Variants in SPATA6 observed in about 807,000 individuals in gnomAD.
SPATA6 encodes spermatogenesis-associated protein 6.
A neutral mutation model predicts 65.3 loss-of-function variants in SPATA6; 56 were observed. The ratio of observed to expected loss-of-function variants is 0.86; its 90% confidence interval spans 0.69 to 1.07. The LOEUF is 1.07. Ranked by LOEUF, SPATA6 falls within the 50% of genes least tolerant of loss-of-function variation. The probability of loss-of-function intolerance (pLI) is 0.00; values close to 1 mark genes in which losing one functional copy is unlikely to be tolerated. For missense variants in SPATA6, 590 were observed against 594.8 expected (o/e 0.99, Z 0.08); for synonymous variants, 199 against 213.2 (o/e 0.93, Z 0.58).
intron 3 of SPATA6, among the ~76,000 whole-genome samples, chr1:48,423,787 T>C (rs1378582912): frequency 6.6e-6 from 1 of 151,994 alleles, no homozygotes; most frequent in Non-Finnish European, 1.5e-5. Context: ...CCTCAGGTGA[T>C]CCGCCTGCCT....
intron 11 of SPATA6, among the ~76,000 whole-genome samples, chr1:48,315,433 C>G: frequency 6.6e-6 from 1 of 151,506 alleles, no homozygotes; most frequent in East Asian, 2.0e-4. Flanking sequence ...GAACCAAAGA[C>G]AAAAACGACA....
chr1:48,284,641 G>A, the SPATA6 span, among the ~76,000 whole-genome samples: 1 of 152,154 alleles, frequency 6.6e-6, no homozygotes, highest in Non-Finnish European at 1.5e-5. Flanking sequence ...TGTTGATGGT[G>A]ATGCTATTCT....
At chr1:48,445,960 C>T (rs904291021) in intron 3 of SPATA6, among the ~76,000 whole-genome samples, 2 of 151,874 alleles carry the variant, frequency 1.3e-5, no homozygotes, top group Non-Finnish European at 1.5e-5. Context: ...CAATCAAGAC[C>T]GAGCCTCAAA....
chr1:48,371,663 T>A (rs1341735796), intron 9 of SPATA6, among the ~76,000 whole-genome samples: 1 of 152,242 alleles, frequency 6.6e-6, no homozygotes, highest in Admixed American at 6.5e-5. Context: ...CTGTACTATC[T>A]AGAACCTGAA....
intron 8 of SPATA6, among the ~76,000 whole-genome samples, chr1:48,387,621 C>T (rs1359295255): frequency 6.6e-6 from 1 of 152,146 alleles, no homozygotes; most frequent in Non-Finnish European, 1.5e-5. Context: ...TTGTTCACAT[C>T]ATCAGGGAGC....
intron 12 of SPATA6, among the ~76,000 whole-genome samples, chr1:48,303,443 A>G (rs190195398): frequency 1.4e-4 from 22 of 152,136 alleles, no homozygotes; most frequent in Middle Eastern, 3.4e-3. Context: ...TCCCCTTCCC[A>G]GTCCCTGGTA....
At chr1:48,314,026 T>G (rs906911816) in intron 11 of SPATA6, among the ~76,000 whole-genome samples, 1 of 152,054 alleles carries the variant, frequency 6.6e-6, no homozygotes, top group Non-Finnish European at 1.5e-5. Flanking sequence ...TACAGGAGCA[T>G]CAAGATTCAT....
At chr1:48,465,676 G>A (rs1378222294) in intron 1 of SPATA6, among the ~76,000 whole-genome samples, 1 of 152,078 alleles carries the variant, frequency 6.6e-6, no homozygotes, top group Non-Finnish European at 1.5e-5. Context: ...CCTATACACA[G>A]AATCTATGTG....
At chr1:48,323,893 T>A (rs571857555) in intron 11 of SPATA6, among the ~76,000 whole-genome samples, 2 of 152,248 alleles carry the variant, frequency 1.3e-5, no homozygotes, top group South Asian at 4.1e-4. Context: ...CAGGGCTCGA[T>A]GGATTCACTA....
At chr1:48,267,210 C>T in the SPATA6 span, among the ~76,000 whole-genome samples, 277 of 152,148 alleles carry the variant, frequency 1.8e-3, no homozygotes, top group African/African-American at 6.5e-3. Context: ...TGCATGCAGA[C>T]GGGCAGGTCG....
At chr1:48,338,452 C>T (rs3754040) in intron 11 of SPATA6, among the ~76,000 whole-genome samples, 64,821 of 151,850 alleles carry the variant, frequency 0.43, 14,963 homozygotes, top group African/African-American at 0.62. Context: ...TGCTATCTCA[C>T]GATACTTAAG....
At chr1:48,322,560 T>C (rs1364557933) in intron 11 of SPATA6, among the ~76,000 whole-genome samples, 2 of 152,150 alleles carry the variant, frequency 1.3e-5, no homozygotes, top group Non-Finnish European at 1.5e-5. Context: ...AAAGCCAAAA[T>C]AGACAAATCG....
intron 5 of SPATA6, among the ~76,000 whole-genome samples, chr1:48,404,606 G>C (rs1651514578): frequency 6.6e-6 from 1 of 151,916 alleles, no homozygotes. Flanking sequence ...GCCTCCCAAA[G>C]CACTGGAATT....
rs565061231 is a variant in SPATA6 at position 48,355,212 on chromosome 1, A to C, written c.1194+458T>G. Among the ~76,000 whole-genome samples the C allele has an allele frequency of 7.2e-5, 11 of 152,254 alleles. No individual in the cohort carries two copies. The East Asian group carries it at 2.1e-3, about 29-fold the overall frequency. ...CCTAATGTTAAACCTGACAAACCTGACCTGCCCTTTTCCTCTTTTATTCAA... is the reference window on the plus strand; with the variant it reads ...CCTAATGTTAAACCTGACAAACCTGCCCTGCCCTTTTCCTCTTTTATTCAA... On this transcript the variant is annotated intron_variant, in intron 11 of 12. Coordinates refer to ENST00000371847, the MANE Select transcript of SPATA6 (RefSeq NM_019073.4).
At chr1:48,365,492 T>A (rs1243828014) in intron 9 of SPATA6, among the ~76,000 whole-genome samples, 2 of 152,198 alleles carry the variant, frequency 1.3e-5, no homozygotes, top group Admixed American at 1.3e-4. Flanking sequence ...TGGTTTATAG[T>A]TCTCCTTGAA....
At chr1:48,436,016 T>C (rs1286635195) in intron 3 of SPATA6, 1 of 1,608,336 alleles carries the variant, frequency 6.2e-7, no homozygotes, top group Non-Finnish European at 8.5e-7. Flanking sequence ...GATGAATCAC[T>C]CAGACCTGAA....
At chr1:48,418,689 T>C (rs1256561584) in intron 3 of SPATA6, among the ~76,000 whole-genome samples, 1 of 145,108 alleles carries the variant, frequency 6.9e-6, no homozygotes, top group Non-Finnish European at 1.5e-5. Flanking sequence ...GCCACCGCAC[T>C]CCAGCCTGGG....
chr1:48,439,857 T>C lies in SPATA6; in HGVS notation c.238+11695A>G, dbSNP rs560125308. On this transcript the variant is annotated intron_variant, in intron 3 of 12. Coordinates refer to ENST00000371847, the MANE Select transcript of SPATA6 (RefSeq NM_019073.4). ...TCTGCACTATGGCCTGGCCCCAATA[T>C]TCTCTGTCTGATGGGGAAAAAATGA... Among the ~76,000 whole-genome samples the C allele has an allele frequency of 4.6e-5, 7 of 152,294 alleles. No individual in the cohort carries two copies. The East Asian group carries it at 1.4e-3, about 29-fold the overall frequency.
chr1:48,310,092 G>A (rs995037831), intron 11 of SPATA6, among the ~76,000 whole-genome samples: 2 of 152,178 alleles, frequency 1.3e-5, no homozygotes, highest in African/African-American at 4.8e-5. Flanking sequence ...CACACATTCA[G>A]CTTTTTCTTT....
Sources: allele counts gnomAD v4.1 joint callset (sites outside exome capture counted in the v4.1 genomes callset), GRCh38; gene constraint gnomAD v4.1.1; transcripts MANE v1.5; gene names NCBI Gene and HGNC (gene_info 2026-07-23, HGNC 2026-07-21).